Variants in PRKDC observed in about 807,000 individuals in gnomAD.
PRKDC encodes the protein protein kinase, DNA-activated, catalytic subunit, also known as DNA-dependent protein kinase catalytic subunit.
PRKDC carries 82 observed loss-of-function variants against 486.9 expected under a neutral mutation model. The ratio of observed to expected loss-of-function variants is 0.17; its 90% CI spans 0.14 to 0.20. The LOEUF is 0.20. PRKDC is among the 10% of genes least tolerant of loss of function. The probability of loss-of-function intolerance (pLI) is 1.00; values close to 1 mark genes in which losing one functional copy is unlikely to be tolerated. For synonymous variants in PRKDC, 1,895 were observed against 1,837.0 expected, an observed-to-expected ratio of 1.03 and a Z score of -0.81; for missense variants, 4,504 against 5,038.2, an observed-to-expected ratio of 0.89 and a Z score of 3.21.
chr8:47,889,274 C>G, intron 32 of PRKDC, 52 bp from the exon 33 acceptor site: 1 of 1,465,504 alleles, frequency 6.8e-7, no homozygotes. Flanking sequence ...CTTCTATTTT[C>G]ACCAAAGTGC....
intron 21 of PRKDC, among the ~76,000 whole-genome samples, chr8:47,922,033 G>A (rs915966880): frequency 1.3e-5 from 2 of 152,154 alleles, no homozygotes; most frequent in South Asian, 4.2e-4. Flanking sequence ...TGCCTACCTC[G>A]GCCTCCCTAA....
intron 50 of PRKDC, among the ~76,000 whole-genome samples, chr8:47,854,489 C>T (rs1235399611): frequency 1.3e-5 from 2 of 152,272 alleles, no homozygotes; most frequent in African/African-American, 4.8e-5. Context: ...CAGACGCCCG[C>T]CACCACACCT....
chr8:47,837,888 C>A (rs1417626469), intron 56 of PRKDC, among the ~76,000 whole-genome samples: 2 of 152,170 alleles, frequency 1.3e-5, no homozygotes, highest in Non-Finnish European at 1.5e-5. Flanking sequence ...GTAATCCCAG[C>A]ACTTTGGGAG....
chr8:47,883,586 G>A (rs773287405), intron 36 of PRKDC, among the ~76,000 whole-genome samples: 5 of 152,114 alleles, frequency 3.3e-5, no homozygotes, highest in African/African-American at 1.2e-4. Context: ...CTTTTCTCTC[G>A]TGTTTTCTGT....
intron 15 of PRKDC, 86 bp from the exon 16 acceptor site, chr8:47,933,258 G>T: frequency 9.2e-7 from 1 of 1,083,604 alleles, no homozygotes; most frequent in Non-Finnish European, 1.2e-6. Flanking sequence ...ATACACAGAT[G>T]TATGTGCCGG....
chr8:47,799,409 TAAACC>T lies in PRKDC; in HGVS notation c.10117-24_10117-20del. The T allele has an allele frequency of 6.7e-7, 1 of 1,500,012 alleles. No homozygotes were observed. The highest frequency in any genetic ancestry group is 8.9e-7 in the Non-Finnish European group (1 of 1,128,354). The allele number at this position is 1,500,012 out of a possible 1,614,324, so 92.9% of individuals were successfully genotyped here. A position where few individuals can be genotyped will look rare whatever the true frequency, so the allele number is the denominator to read the frequency against. Reference sequence around the variant, plus strand: ...CGATCACCTGGAATTCACAGAGACCTAAACCCATGAGCATGACTGAAGCTTTCTCA... The same window carrying T: ...CGATCACCTGGAATTCACAGAGACCTCATGAGCATGACTGAAGCTTTCTCA... On this transcript the variant is annotated intron_variant, in intron 71 of 85. Transcript: ENST00000314191.
chr8:47,802,548 T>G (rs1220536359), intron 70 of PRKDC, among the ~76,000 whole-genome samples: 1 of 150,938 alleles, frequency 6.6e-6, no homozygotes, highest in Non-Finnish European at 1.5e-5. Context: ...AGTGGCGCGA[T>G]TTTGGCTCGC....
chr8:47,905,669 G>A (rs1468672481), intron 25 of PRKDC, among the ~76,000 whole-genome samples: 2 of 152,112 alleles, frequency 1.3e-5, no homozygotes, highest in Non-Finnish European at 2.9e-5. Flanking sequence ...TAGAAAAACA[G>A]ATTTAATCTG....
intron 64 of PRKDC, 114 bp from the exon 65 acceptor site, chr8:47,821,906 C>T (rs777342014): frequency 7.9e-5 from 78 of 993,012 alleles, no homozygotes; most frequent in Non-Finnish European, 8.0e-5. Context: ...TTCAGATTTA[C>T]GGAAAGGAGA....
chr8:47,846,415 CAAAA>C (rs200554979), intron 54 of PRKDC, among the ~76,000 whole-genome samples: 2 of 59,686 alleles, frequency 3.4e-5, no homozygotes, highest in Non-Finnish European at 3.6e-5. Flanking sequence ...GACTCTGCCT[CAAAA>C]AAAAAAAAAA....
chr8:47,885,890 T>TCCAA, intron 36 of PRKDC, 54 bp downstream of exon 36: 1 of 1,553,224 alleles, frequency 6.4e-7, no homozygotes, highest in Non-Finnish European at 8.8e-7. Context: ...AGACTCTGTC[T>TCCAA]CAAACAAACA....
chr8:47,958,613 T>A (rs879496898), intron 1 of PRKDC, among the ~76,000 whole-genome samples: 10 of 152,222 alleles, frequency 6.6e-5, no homozygotes, highest in Admixed American at 6.5e-4. Context: ...AAATGAATTC[T>A]AAATTTGAAA....
intron 40 of PRKDC, among the ~76,000 whole-genome samples, chr8:47,871,495 C>T (rs1371156871): frequency 6.6e-6 from 1 of 152,186 alleles, no homozygotes; most frequent in Non-Finnish European, 1.5e-5. Context: ...ATAAAAATAT[C>T]CTTCAAGCAT....
rs751841777 is a variant in PRKDC, at chr8:47,957,420, A to C, written c.166T>G (p.Ser56Ala). 1 of 1,580,860 alleles carries C rather than the reference A, an allele frequency of 6.3e-7. No homozygotes were observed. Among genetic ancestry groups the C allele is most frequent in the East Asian group, 2.3e-5 (1 of 43,796 alleles). ...CCGAAATCTCTGGAAAAAACTAAAGATGTCTGTAATGCTGTTCAAAAAAAT... is the reference window on the plus strand; with the variant it reads ...CCGAAATCTCTGGAAAAAACTAAAGCTGTCTGTAATGCTGTTCAAAAAAAT... ...SSPAVLALQT[S>A]LVFSRDFGLL... Residue 56 changes from serine (S) to alanine (A), a missense_variant, in exon 2 of 86, where the codon TCT becomes GCT. Coordinates refer to ENST00000314191, the MANE Select transcript of PRKDC (RefSeq NM_006904.7).
intron 16 of PRKDC, among the ~76,000 whole-genome samples, chr8:47,931,213 A>G (rs2090245506): frequency 6.6e-6 from 1 of 152,274 alleles, no homozygotes; most frequent in African/African-American, 2.4e-5. Context: ...TAAACACGCT[A>G]AGTTTGTGTC....
chr8:47,909,204 C>T (rs1017188256), intron 25 of PRKDC, among the ~76,000 whole-genome samples: 3 of 152,200 alleles, frequency 2.0e-5, no homozygotes, highest in Non-Finnish European at 4.4e-5. Flanking sequence ...GGACCCCACA[C>T]GGAGGGACCG....
rs202110076 is a variant in PRKDC at position 47,879,606 on chromosome 8, A to T, written c.5120T>A (p.Leu1707Gln). 3.3e-3 allele frequency: 5,179 copies of T among 1,592,820 alleles called. 13 individuals are homozygous for T. The highest frequency in any genetic ancestry group is 4.1e-3 in the Non-Finnish European group (4,815 of 1,170,232). ...CTCCAGAACACGTCTAAGTTCCTCC[A>T]GACTGCCTCCAGTGAGGCTGGTGAA... ...PFFTSLTGGS[L>Q]EELRRVLEQL... The change falls in exon 39 of 86, where the codon CTG (leucine) becomes CAG (glutamine). Residue 1707 changes from leucine (L) to glutamine (Q), a missense_variant. Around this residue, in one of 6 missense-constraint regions of PRKDC, gnomAD observed 1,969 missense variants for 2,068.9 expected, o/e 0.95. Coordinates refer to ENST00000314191, the MANE Select transcript of PRKDC (RefSeq NM_006904.7).
chr8:47,829,727 G>C lies in PRKDC; in HGVS notation c.8397+878C>G, dbSNP rs1426486875. 2.0e-5 allele frequency among the ~76,000 whole-genome samples: 3 copies of C among 152,062 alleles called. No individual in the cohort carries two copies. In the East Asian group the frequency reaches 5.8e-4, roughly 29 times the overall value. Reference sequence around the variant, plus strand: ...AATACACTTAACCAAGAAGGTGAAAGATCTTTACAAGGAGAACTAAAAAAC... The same window carrying C: ...AATACACTTAACCAAGAAGGTGAAACATCTTTACAAGGAGAACTAAAAAAC... On this transcript the variant is annotated intron_variant, in intron 61 of 85. Transcript: ENST00000314191.
chr8:47,831,821 C>A lies in PRKDC; in HGVS notation c.8258G>T (p.Arg2753Leu), dbSNP rs138760849. 3 of 1,613,806 alleles carry A rather than the reference C, an allele frequency of 1.9e-6. No homozygotes were observed. The Admixed American group carries it at 5.0e-5, about 27-fold the overall frequency. Residue 2753 changes from arginine to leucine, a missense_variant, in exon 60 of 86, where the codon CGA becomes CTA. Coordinates refer to ENST00000314191, the MANE Select transcript of PRKDC (RefSeq NM_006904.7). ...TCTTGACAAGATACAAACCTTCTCT[C>A]GTTTTTGCTCAGCAACGCCTTTTCT... The part of the protein sequence containing the change: ...YARKGVAEQK[R>L]EKEIKSELKM...
Sources: allele counts gnomAD v4.1 joint callset (sites outside exome capture counted in the v4.1 genomes callset), GRCh38; gene constraint gnomAD v4.1.1; regional missense constraint gnomAD v4.1.1; transcripts MANE v1.5; gene names NCBI Gene and HGNC (gene_info 2026-07-23, HGNC 2026-07-21).